The following EMILIN2 variants were observed in gnomAD, a reference collection of about 807,000 sequenced individuals.
EMILIN2 encodes elastin microfibril interfacer 2, also known as EMILIN-2.
EMILIN2 carries 71 observed loss-of-function variants against 87.1 expected under a neutral mutation model. The observed-to-expected ratio is 0.82, with a 90% CI of 0.67 to 0.99. EMILIN2 has a LOEUF of 0.99. Among genes scored for constraint, EMILIN2 ranks in the 50% least tolerant of loss-of-function variants. The pLI is 0.00. For synonymous variants in EMILIN2, 581 were observed against 563.4 expected, an observed-to-expected ratio of 1.03 and a Z score of -0.44; for missense variants, 1,407 against 1,371.8, an observed-to-expected ratio of 1.03 and a Z score of -0.40.
chr18:2,868,443 C>G (rs2076701141), intron 2 of EMILIN2, among the ~76,000 whole-genome samples: 1 of 152,228 alleles, frequency 6.6e-6, no homozygotes. Flanking sequence ...GAGGCCAAGG[C>G]AGGCGGCTGG....
intron 2 of EMILIN2, among the ~76,000 whole-genome samples, chr18:2,872,689 T>A (rs571042685): frequency 6.6e-6 from 1 of 152,360 alleles, no homozygotes; most frequent in Admixed American, 6.5e-5. Flanking sequence ...AAGCTGTAAG[T>A]GACTCTCTGA....
intron 5 of EMILIN2, among the ~76,000 whole-genome samples, chr18:2,908,320 G>C (rs182103954): frequency 3.9e-4 from 60 of 151,914 alleles, no homozygotes; most frequent in African/African-American, 1.4e-3. Context: ...ACATGTATCC[G>C]TGTATCCACC....
chr18:2,906,894 C>T lies in EMILIN2; in HGVS notation c.2471C>T (p.Pro824Leu). 7.2e-7 allele frequency: 1 copy of T among 1,388,636 alleles called. No homozygotes were observed. Among genetic ancestry groups the T allele is most frequent in the Non-Finnish European group, 9.4e-7 (1 of 1,069,322 alleles). 86.0% of individuals were successfully genotyped at this position (1,388,636 alleles called of 1,614,324 possible). A position where few individuals can be genotyped will look rare whatever the true frequency, so the allele number is the denominator to read the frequency against. The stretch of plus-strand genomic sequence containing the variant: ...ACCGCAGAGGACCCTGGGCGACGGC[C>T]CGTCCTGCCCCAGCGGCCCCCCGAG... ...PATAEDPGRR[P>L]VLPQRPPEER... The change falls in exon 5 of 8, where the codon CCC becomes CTC. Residue 824 changes from proline (P) to leucine (L), a missense_variant. Coordinates refer to ENST00000254528, the MANE Select transcript of EMILIN2 (RefSeq NM_032048.3).
At chr18:2,884,207 C>T (rs1325694956) in intron 2 of EMILIN2, among the ~76,000 whole-genome samples, 10 of 152,270 alleles carry the variant, frequency 6.6e-5, no homozygotes, top group South Asian at 2.1e-4. Flanking sequence ...CCGCCTGCCT[C>T]GGCCTCCCAA....
At chr18:2,863,979 C>A (rs1388761377) in intron 2 of EMILIN2, among the ~76,000 whole-genome samples, 1 of 152,038 alleles carries the variant, frequency 6.6e-6, no homozygotes, top group Non-Finnish European at 1.5e-5. Context: ...ATGTAATGGC[C>A]TTCTTTGTCT....
intron 2 of EMILIN2, among the ~76,000 whole-genome samples, chr18:2,866,300 G>A (rs2076686560): frequency 6.6e-6 from 1 of 152,218 alleles, no homozygotes; most frequent in South Asian, 2.1e-4. Flanking sequence ...GCTGGGAGCT[G>A]TAGACTGGAG....
At chr18:2,850,883 C>T (rs117088495) in intron 2 of EMILIN2, among the ~76,000 whole-genome samples, 2 of 152,036 alleles carry the variant, frequency 1.3e-5, no homozygotes, top group Admixed American at 1.3e-4. Flanking sequence ...GTGGAGGAAA[C>T]CCCATCTTAG....
In EMILIN2 at chr18:2,847,449, G is replaced by A. The variant is rs1386587061; in HGVS notation, c.134+127G>A. The A allele has an allele frequency of 6.3e-6, 7 of 1,102,680 alleles. No homozygotes were observed. Among genetic ancestry groups the A allele is most frequent in the South Asian group, 3.2e-5 (1 of 30,932 alleles). The allele number at this position is 1,102,680 out of a possible 1,614,324, so 68.3% of individuals were successfully genotyped here. On this transcript the variant is annotated intron_variant, in intron 1 of 7. Transcript: ENST00000254528. This position sits in a 1 kb window ranked among gnomAD's most constrained non-coding sequence, Gnocchi z 4.5. ...GGCCTCCCTTGGACTTCCCCGGGCG[G>A]CTCCCTCTGCGGGGGACCGCGCGCT...
At chr18:2,909,016 C>CT in intron 6 of EMILIN2, 41 bp downstream of exon 6, 1 of 1,611,438 alleles carries the variant, frequency 6.2e-7, no homozygotes, top group South Asian at 1.1e-5. Flanking sequence ...GAGCGGTCTC[C>CT]TTGGTGGCCT....
intron 2 of EMILIN2, among the ~76,000 whole-genome samples, chr18:2,869,786 T>TTGTGTGTGTGTGTGTGTGTGTGTG: frequency 3.4e-5 from 2 of 59,160 alleles, no homozygotes; most frequent in African/African-American, 1.2e-4. Context: ...GTGTGTGTGT[T>TTGTGTGTGTGTGTGTGTGTGTGTG]TGTGTGTGTG....
chr18:2,898,777 A>C (rs116566106), intron 4 of EMILIN2, among the ~76,000 whole-genome samples: 94 of 152,366 alleles, frequency 6.2e-4, no homozygotes, highest in African/African-American at 2.1e-3. Context: ...GCCTGATGCC[A>C]ACATTCTGAC....
At chr18:2,852,303 A>G (rs1349209715) in intron 2 of EMILIN2, among the ~76,000 whole-genome samples, 1 of 152,076 alleles carries the variant, frequency 6.6e-6, no homozygotes, top group African/African-American at 2.4e-5. Context: ...TGAACGCTTA[A>G]AGTTGTTATT....
At chr18:2,860,300 A>G (rs899973872) in intron 2 of EMILIN2, among the ~76,000 whole-genome samples, 2 of 152,136 alleles carry the variant, frequency 1.3e-5, no homozygotes, top group Non-Finnish European at 2.9e-5. Flanking sequence ...GGTTCGTTAC[A>G]TAGGTATACA....
At chr18:2,889,882 G>T (rs114082336) in intron 3 of EMILIN2, among the ~76,000 whole-genome samples, 3 of 151,922 alleles carry the variant, frequency 2.0e-5, no homozygotes, top group African/African-American at 7.3e-5. Flanking sequence ...ATGGTCAGAC[G>T]GTGCTGTTGC....
At chr18:2,850,986 G>A (rs1051983357) in intron 2 of EMILIN2, among the ~76,000 whole-genome samples, 1 of 151,992 alleles carries the variant, frequency 6.6e-6, no homozygotes, top group Admixed American at 6.6e-5. Context: ...AGGCCATTCA[G>A]GTCAGTGGGG....
chr18:2,891,797 T>C lies in EMILIN2; in HGVS notation c.1670T>C (p.Ile557Thr). 1.2e-6 allele frequency: 2 copies of C among 1,614,124 alleles called. No homozygotes were observed. The highest frequency in any genetic ancestry group is 3.3e-5 in the Admixed American group (2 of 60,020). Reference protein sequence around the residue: ...QVVEDICLLNIQGKPHGMEGA... With the variant: ...QVVEDICLLNTQGKPHGMEGA... The stretch of plus-strand genomic sequence containing the variant: ...GTTGAAGACATTTGCCTGCTGAACA[T>C]CCAGGGAAAGCCTCATGGGATGGAA... Residue 557 changes from isoleucine (I) to threonine (T), a missense_variant, in exon 4 of 8, where the codon ATC becomes ACC. Transcript: ENST00000254528. The surrounding 1 kb of genome is among the most constrained non-coding windows in gnomAD (Gnocchi z 4.6).
chr18:2,905,854 G>A lies in EMILIN2; in HGVS notation c.2360-929G>A, dbSNP rs116149323. Among the ~76,000 whole-genome samples, 1,081 of 151,468 alleles carry A rather than the reference G, an allele frequency of 7.1e-3. 13 individuals are homozygous for A. Among genetic ancestry groups the A allele is most frequent in the African/African-American group, 0.025 (1,017 of 41,260 alleles). ...GGTCAGGCTGGTCTCGAATTTGGGG[G>A]CTCAAGTGATCCGGCCGCGTCGGCC... On this transcript the variant is annotated intron_variant, in intron 4 of 7. Coordinates refer to ENST00000254528, the MANE Select transcript of EMILIN2 (RefSeq NM_032048.3).
In EMILIN2 at chr18:2,909,717, T is replaced by A. The variant is rs2076932036; in HGVS notation, c.2722T>A (p.Phe908Ile). 6.2e-7 allele frequency: 1 copy of A among 1,614,074 alleles called. No individual in the cohort carries two copies. The highest frequency in any genetic ancestry group is 8.5e-7 in the Non-Finnish European group (1 of 1,179,956). ...AGCTCCGGTGCCTTCTCTGGTGTCT[T>A]TTTCTGCGGGGCTCACCCAGAAGCC... ...PGAPVPSLVS[F>I]SAGLTQKPFP... Residue 908 changes from phenylalanine (F) to isoleucine (I), a missense_variant, in exon 7 of 8, where the codon TTT becomes ATT. By Grantham distance (21) the Phe-to-Ile change is conservative (BLOSUM62 0). Coordinates refer to ENST00000254528, the MANE Select transcript of EMILIN2 (RefSeq NM_032048.3).
intron 3 of EMILIN2, among the ~76,000 whole-genome samples, chr18:2,889,947 T>G (rs544551401): frequency 1.3e-5 from 2 of 152,218 alleles, no homozygotes; most frequent in African/African-American, 4.8e-5. Flanking sequence ...TCTCCCAAAC[T>G]GCAAGCAGGG....
Sources: allele counts gnomAD v4.1 joint callset (sites outside exome capture counted in the v4.1 genomes callset), GRCh38; gene constraint gnomAD v4.1.1; non-coding constraint Gnocchi (gnomAD v3.1); transcripts MANE v1.5; gene names NCBI Gene and HGNC (gene_info 2026-07-23, HGNC 2026-07-21).